GRID2: variants seen among roughly 807,000 people sequenced by gnomAD.
The protein encoded by GRID2 is glutamate ionotropic receptor delta type subunit 2.
GRID2 carries 33 observed loss-of-function variants against 114.8 expected under a neutral mutation model. The observed-to-expected ratio is 0.29, with a 90% confidence interval of 0.22 to 0.38. The LOEUF is 0.38. Among genes scored for constraint, GRID2 ranks in the 10% least tolerant of loss-of-function variants. The pLI is 1.00. For missense variants in GRID2, 1,184 were observed against 1,257.7 expected, an observed-to-expected ratio of 0.94 and a Z score of 0.89; for synonymous variants, 505 against 449.9, an observed-to-expected ratio of 1.12 and a Z score of -1.55.
chr4:93,703,035 A>T (rs1273120539), intron 14 of GRID2, among the ~76,000 whole-genome samples: 1 of 152,002 alleles, frequency 6.6e-6, no homozygotes, highest in Non-Finnish European at 1.5e-5. Context: ...AAAGCTATAC[A>T]TTTTCACTCT....
chr4:93,240,383 G>A (rs1381934176), intron 8 of GRID2, among the ~76,000 whole-genome samples: 1 of 151,300 alleles, frequency 6.6e-6, no homozygotes, highest in East Asian at 1.9e-4. Flanking sequence ...TTATGAAACA[G>A]TCTGCACCTT....
chr4:92,471,568 A>G (rs1722035357), intron 1 of GRID2, among the ~76,000 whole-genome samples: 1 of 152,146 alleles, frequency 6.6e-6, no homozygotes, highest in Non-Finnish European at 1.5e-5. Flanking sequence ...ATAAACATAA[A>G]CAACCAACTG....
intron 4 of GRID2, among the ~76,000 whole-genome samples, chr4:93,168,784 G>A (rs895999422): frequency 6.6e-6 from 1 of 150,630 alleles, no homozygotes; most frequent in Non-Finnish European, 1.5e-5. Context: ...ATAATTTCTA[G>A]GGTTACTTCT....
intron 2 of GRID2, among the ~76,000 whole-genome samples, chr4:92,935,889 G>A (rs1161710854): frequency 1.4e-5 from 2 of 142,770 alleles, no homozygotes; most frequent in African/African-American, 2.5e-5. Flanking sequence ...CTGTTGTGGG[G>A]TGGGGGCTGG....
At chr4:93,180,043 A>C (rs1266137065) in intron 4 of GRID2, among the ~76,000 whole-genome samples, 1 of 152,154 alleles carries the variant, frequency 6.6e-6, no homozygotes, top group East Asian at 1.9e-4. Flanking sequence ...CGAAGAAAAA[A>C]GGCATAAGCA....
chr4:92,366,899 A>G (rs2110211074), intron 1 of GRID2, among the ~76,000 whole-genome samples: 1 of 152,128 alleles, frequency 6.6e-6, no homozygotes, highest in South Asian at 2.1e-4. Context: ...TGTGTGCTGG[A>G]AAAAAAATAT....
chr4:93,766,113 C>A (rs1733648774), intron 14 of GRID2, among the ~76,000 whole-genome samples: 1 of 152,038 alleles, frequency 6.6e-6, no homozygotes, highest in African/African-American at 2.4e-5. Context: ...AGGATGAGTA[C>A]ACACTCTCGA....
chr4:92,888,628 C>T (rs1412043615), intron 2 of GRID2, among the ~76,000 whole-genome samples: 1 of 151,998 alleles, frequency 6.6e-6, no homozygotes, highest in Non-Finnish European at 1.5e-5. Flanking sequence ...ATTGCAAGTG[C>T]ACAGCAGGTA....
chr4:93,074,191 A>C (rs1001027160), intron 2 of GRID2, among the ~76,000 whole-genome samples: 5 of 152,234 alleles, frequency 3.3e-5, no homozygotes, highest in Non-Finnish European at 5.9e-5. Flanking sequence ...ACACATATCC[A>C]TATCAATTCC....
At chr4:92,986,185 A>G (rs1754500431) in intron 2 of GRID2, among the ~76,000 whole-genome samples, 1 of 152,180 alleles carries the variant, frequency 6.6e-6, no homozygotes, top group African/African-American at 2.4e-5. Context: ...CAAATTCATT[A>G]TCCTCAAGGG....
intron 13 of GRID2, among the ~76,000 whole-genome samples, chr4:93,594,007 C>T (rs1322006255): frequency 5.3e-5 from 8 of 152,036 alleles, no homozygotes; most frequent in Non-Finnish European, 8.8e-5. Context: ...TGAATGTCCT[C>T]CCGTAGCTCA....
chr4:93,269,239 C>A (rs1751171656), intron 8 of GRID2, among the ~76,000 whole-genome samples: 1 of 152,014 alleles, frequency 6.6e-6, no homozygotes, highest in Admixed American at 6.6e-5. Context: ...TAAAAAATGC[C>A]AATGTCTGTT....
chr4:92,649,054 T>A (rs1226559265), intron 2 of GRID2, among the ~76,000 whole-genome samples: 1 of 546 alleles, frequency 1.8e-3, no homozygotes, highest in Non-Finnish European at 7.8e-3. Context: ...ATATATAATA[T>A]ATATATAACT....
intron 2 of GRID2, among the ~76,000 whole-genome samples, chr4:92,933,997 AG>A (rs1463703827): frequency 6.6e-6 from 1 of 151,690 alleles, no homozygotes; most frequent in Non-Finnish European, 1.5e-5. Context: ...ACTCTATAAA[AG>A]ATTGCAAGTA....
chr4:93,394,372 G>C (rs781037958), intron 8 of GRID2, among the ~76,000 whole-genome samples: 3 of 151,876 alleles, frequency 2.0e-5, no homozygotes, highest in Non-Finnish European at 2.9e-5. Context: ...AGCTGGCTCT[G>C]CTGTTTATAC....
intron 2 of GRID2, among the ~76,000 whole-genome samples, chr4:92,918,676 C>A (rs113470565): frequency 0.015 from 2,275 of 152,238 alleles, 21 homozygotes; most frequent in East Asian, 0.056. Context: ...TATATTGAAC[C>A]AGCCTTGCAT....
chr4:92,847,970 A>C (rs1293976498), intron 2 of GRID2, among the ~76,000 whole-genome samples: 1 of 151,996 alleles, frequency 6.6e-6, no homozygotes, highest in Admixed American at 6.6e-5. Flanking sequence ...GGATTTTCTT[A>C]TCTCCATGTC....
chr4:93,393,977 T>A lies in GRID2; in HGVS notation c.1246-1630T>A, dbSNP rs549041560. ...AAAATTAAGTTATATGGTTGTAATA[T>A]GTGGAGAAAGCACATTGGAATAGCT... is the stretch of plus-strand genomic sequence containing the variant. On this transcript the variant is annotated intron_variant, in intron 8 of 15. Transcript: ENST00000282020. Among the ~76,000 whole-genome samples the A allele has an allele frequency of 2.6e-5, 4 of 152,096 alleles. No homozygotes were observed. In the South Asian group the frequency reaches 8.3e-4, roughly 31 times the overall value.
At chr4:93,258,530 T>A (rs1749877944) in intron 8 of GRID2, among the ~76,000 whole-genome samples, 1 of 151,740 alleles carries the variant, frequency 6.6e-6, no homozygotes, top group Non-Finnish European at 1.5e-5. Context: ...TGTTTTATAT[T>A]ATTTCAAAGA....
Sources: gnomAD v4.1 joint callset for allele counts (sites outside exome capture counted in the v4.1 genomes callset) on GRCh38, gnomAD v4.1.1 for gene constraint, MANE v1.5 for transcripts, NCBI Gene and HGNC (gene_info 2026-07-23, HGNC 2026-07-21) for gene names.